Variants in SLC16A2 observed in about 807,000 individuals in gnomAD.
The protein encoded by SLC16A2 is monocarboxylate transporter 8.
In SLC16A2, 3 loss-of-function variants were observed where a neutral mutation model predicts 27.2. That is an observed-to-expected ratio of 0.11 (90% CI 0.05 to 0.28). SLC16A2 has a LOEUF of 0.28. Among genes scored for constraint, SLC16A2 ranks in the 10% least tolerant of loss-of-function variants. The pLI is 1.00. For missense variants in SLC16A2, 295 were observed against 458.5 expected (o/e 0.64, Z 3.26); for synonymous variants, 202 against 187.8 (o/e 1.08, Z -0.62).
chrX:74,436,383 G>A (rs1002088418), intron 1 of SLC16A2, among the ~76,000 whole-genome samples: 1 of 111,733 alleles, frequency 8.9e-6, no homozygotes, highest in Non-Finnish European at 1.9e-5. Flanking sequence ...TGTGTCTTAT[G>A]GGTAAGATAC....
At chrX:74,466,136 C>T (rs1032456566) in intron 1 of SLC16A2, among the ~76,000 whole-genome samples, 1 of 111,427 alleles carries the variant, frequency 9.0e-6, no homozygotes, top group Non-Finnish European at 1.9e-5. Flanking sequence ...ATTCAGACTC[C>T]ATACTCTCCC....
intron 1 of SLC16A2, among the ~76,000 whole-genome samples, chrX:74,509,847 G>A (rs890110087): frequency 4.4e-5 from 5 of 112,572 alleles, no homozygotes; most frequent in Non-Finnish European, 9.4e-5. Flanking sequence ...GATTACAGGC[G>A]TGGGCCACCG....
chrX:74,522,367 G>C (rs1486431366), intron 2 of SLC16A2, among the ~76,000 whole-genome samples: 2 of 111,769 alleles, frequency 1.8e-5, no homozygotes, highest in Non-Finnish European at 3.8e-5. Context: ...TTGGCCTGCA[G>C]TCATTTCTTG....
intron 1 of SLC16A2, among the ~76,000 whole-genome samples, chrX:74,495,176 G>A (rs1929910534): frequency 8.9e-6 from 1 of 111,887 alleles, no homozygotes; most frequent in Non-Finnish European, 1.9e-5. Context: ...CTGACTGCCC[G>A]AGTGAGGGGC....
chrX:74,498,101 G>C (rs1250031783), intron 1 of SLC16A2, among the ~76,000 whole-genome samples: 1 of 111,428 alleles, frequency 9.0e-6, no homozygotes, highest in Non-Finnish European at 1.9e-5. Context: ...AACCTTAAAG[G>C]AAGGATGATA....
rs1329957978 is a variant in SLC16A2, at chrX:74,488,644, C to T, written c.431-32346C>T. 5.4e-5 allele frequency among the ~76,000 whole-genome samples: 6 copies of T among 111,219 alleles called. No individual in the cohort carries two copies. In the East Asian group the frequency reaches 1.4e-3, roughly 26 times the overall value. Reference sequence around the variant, plus strand: ...AAATTCCTTTTTACTAACATTATTACGACTTGCATAGACTATTCACAACAT... The same window carrying T: ...AAATTCCTTTTTACTAACATTATTATGACTTGCATAGACTATTCACAACAT... On this transcript the variant is annotated intron_variant, in intron 1 of 5. Coordinates refer to ENST00000587091, the MANE Select transcript of SLC16A2 (RefSeq NM_006517.5).
chrX:74,439,106 A>G (rs1349097998), intron 1 of SLC16A2, among the ~76,000 whole-genome samples: 3 of 108,051 alleles, frequency 2.8e-5, no homozygotes, highest in Non-Finnish European at 5.7e-5. Flanking sequence ...GTTGAAGTTG[A>G]ATCAAACTCT....
intron 3 of SLC16A2, 57 bp downstream of exon 3, chrX:74,524,866 T>G: frequency 9.6e-7 from 1 of 1,039,654 alleles, no homozygotes; most frequent in Non-Finnish European, 1.3e-6. Context: ...ACCCTCAACC[T>G]GCCTAGATTC....
chrX:74,491,572 G>A (rs897409589), intron 1 of SLC16A2, among the ~76,000 whole-genome samples: 6 of 111,811 alleles, frequency 5.4e-5, no homozygotes, highest in African/African-American at 2.0e-4. Flanking sequence ...AGGCATGTTC[G>A]ACTCCCACTT....
chrX:74,501,593 C>A (rs1364465067), intron 1 of SLC16A2, among the ~76,000 whole-genome samples: 1 of 111,261 alleles, frequency 9.0e-6, no homozygotes, highest in African/African-American at 3.3e-5. Context: ...CTGGTGGGCC[C>A]CCCCTCTGCT....
chrX:74,467,599 C>A (rs1235327278), intron 1 of SLC16A2, among the ~76,000 whole-genome samples: 2 of 111,745 alleles, frequency 1.8e-5, no homozygotes, highest in East Asian at 5.6e-4. Context: ...ATAGGCAAAG[C>A]CTTGTAGGAA....
intron 1 of SLC16A2, among the ~76,000 whole-genome samples, chrX:74,429,993 C>T (rs1928505295): frequency 8.9e-6 from 1 of 112,036 alleles, no homozygotes; most frequent in African/African-American, 3.2e-5. Context: ...TGCTGCATTC[C>T]ACGGTGGAGT....
At chrX:74,506,373 G>A (rs931282614) in intron 1 of SLC16A2, among the ~76,000 whole-genome samples, 13 of 111,504 alleles carry the variant, frequency 1.2e-4, no homozygotes, top group Non-Finnish European at 1.9e-5. Context: ...ATCATTGATC[G>A]GTCTTTGCTT....
chrX:74,524,865 C>A (rs1930466532), intron 3 of SLC16A2, 56 bp downstream of exon 3: 11 of 1,046,502 alleles, frequency 1.1e-5, no homozygotes, highest in Non-Finnish European at 1.3e-5. Context: ...TACCCTCAAC[C>A]TGCCTAGATT....
At position 74,421,716 on chromosome X, in the gene SLC16A2, G is replaced by C. The variant is rs745998356; in HGVS notation, c.79G>C (p.Gly27Arg). 1.7e-6 allele frequency: 2 copies of C among 1,178,798 alleles called. No individual in the cohort carries two copies. Among genetic ancestry groups the C allele is most frequent in the African/African-American group, 3.5e-5 (2 of 56,874 alleles). ...EADQEQQEPV[G>R]SPEPESEPEP... ...AGACCAGGAACAGCAGGAGCCGGTG[G>C]GTAGCCCAGAGCCGGAGTCTGAGCC... is the stretch of plus-strand genomic sequence containing the variant. The change falls in exon 1 of 6, where the codon GGT becomes CGT. Residue 27 changes from glycine to arginine, a missense_variant. Gly to Arg is a moderately radical substitution (Grantham distance 125). Transcript: ENST00000587091.
chrX:74,453,956 G>C (rs1029036160), intron 1 of SLC16A2, among the ~76,000 whole-genome samples: 7 of 111,937 alleles, frequency 6.3e-5, no homozygotes, highest in African/African-American at 2.0e-4. Context: ...TCAAATCAGG[G>C]TAATTAGGTA....
At chrX:74,422,144 C>T in intron 1 of SLC16A2, 77 bp downstream of exon 1, 10 of 992,431 alleles carry the variant, frequency 1.0e-5, no homozygotes, top group Non-Finnish European at 1.4e-5. Flanking sequence ...CCATACCTCC[C>T]GGTCCGAGGC....
chrX:74,469,708 G>A (rs1485631524), intron 1 of SLC16A2, among the ~76,000 whole-genome samples: 1 of 110,750 alleles, frequency 9.0e-6, no homozygotes, highest in African/African-American at 3.3e-5. Flanking sequence ...TAGCAAAGTT[G>A]AGCAGAAAGT....
intron 1 of SLC16A2, among the ~76,000 whole-genome samples, chrX:74,507,411 T>C (rs1430253383): frequency 8.9e-6 from 1 of 112,215 alleles, no homozygotes; most frequent in East Asian, 2.8e-4. Flanking sequence ...GGAACACTTA[T>C]ACACTGTTGG....
Sources: gnomAD v4.1 joint callset for allele counts (sites outside exome capture counted in the v4.1 genomes callset) on GRCh38, gnomAD v4.1.1 for gene constraint, MANE v1.5 for transcripts, NCBI Gene and HGNC (gene_info 2026-07-23, HGNC 2026-07-21) for gene names.